CHRM3: variants seen among roughly 807,000 people sequenced by gnomAD.
CHRM3 encodes muscarinic acetylcholine receptor M3.
CHRM3 carries 11 observed loss-of-function variants against 41.8 expected under a neutral mutation model. That is an observed-to-expected ratio of 0.26 (90% CI 0.17 to 0.44). The LOEUF is 0.44. CHRM3 is among the 20% of genes least tolerant of loss of function. The pLI, the probability that CHRM3 is intolerant of heterozygous loss-of-function variation, is 1.00. For missense variants in CHRM3, 571 were observed against 745.4 expected (o/e 0.77, Z 2.72); for synonymous variants, 297 against 301.4 (o/e 0.99, Z 0.15).
intron 3 of CHRM3, among the ~76,000 whole-genome samples, chr1:239,618,906 GATTT>G (rs111618138): frequency 0.43 from 61,074 of 141,858 alleles, 13,724 homozygotes; most frequent in East Asian, 0.67. Context: ...TCTTTTTTAT[GATTT>G]ATTTATTTAT....
intron 6 of CHRM3, among the ~76,000 whole-genome samples, chr1:239,890,875 G>C (rs546726274): frequency 6.6e-6 from 1 of 152,280 alleles, no homozygotes; most frequent in South Asian, 2.1e-4. Flanking sequence ...TCTATAAAGT[G>C]TTTGATGCAT....
chr1:239,663,586 A>C (rs1673479769), intron 4 of CHRM3, among the ~76,000 whole-genome samples: 1 of 152,226 alleles, frequency 6.6e-6, no homozygotes, highest in East Asian at 1.9e-4. Context: ...TTTAAAGCAC[A>C]ATAACTAAAA....
intron 5 of CHRM3, among the ~76,000 whole-genome samples, chr1:239,761,365 C>T (rs1312977361): frequency 6.6e-6 from 1 of 152,114 alleles, no homozygotes; most frequent in Non-Finnish European, 1.5e-5. Flanking sequence ...TATGTCATGT[C>T]TGATTTGTAC....
In CHRM3 at chr1:239,771,210, C is replaced by T. The variant is rs568391484; in HGVS notation, c.-146-56042C>T. 2.0e-5 allele frequency among the ~76,000 whole-genome samples: 3 copies of T among 152,252 alleles called. No individual in the cohort carries two copies. The South Asian group carries it at 6.2e-4, about 32-fold the overall frequency. ...ACTTTTAATCTCAGAAGCATGTTAG[C>T]CGCCCTCTCCCTTCTTCATTTCATC... On this transcript the variant is annotated intron_variant, in intron 5 of 6. Coordinates refer to ENST00000676153, the MANE Select transcript of CHRM3 (RefSeq NM_001375978.1).
chr1:239,883,259 C>T (rs1677797413), intron 6 of CHRM3, among the ~76,000 whole-genome samples: 1 of 152,168 alleles, frequency 6.6e-6, no homozygotes, highest in South Asian at 2.1e-4. Flanking sequence ...CTTTAGTGTT[C>T]AGGTTAAATG....
At chr1:239,397,298 T>G (rs546209823) in intron 1 of CHRM3, among the ~76,000 whole-genome samples, 1 of 152,234 alleles carries the variant, frequency 6.6e-6, no homozygotes, top group African/African-American at 2.4e-5. Context: ...TGTGTACATA[T>G]TTATCTATCA....
chr1:239,758,390 T>A (rs1321021357), intron 5 of CHRM3, among the ~76,000 whole-genome samples: 1 of 152,182 alleles, frequency 6.6e-6, no homozygotes, highest in East Asian at 1.9e-4. Flanking sequence ...CAGTGAATGT[T>A]AGGCTACGTG....
At chr1:239,466,914 G>A (rs1321656265) in intron 1 of CHRM3, among the ~76,000 whole-genome samples, 1 of 152,182 alleles carries the variant, frequency 6.6e-6, no homozygotes, top group Non-Finnish European at 1.5e-5. Flanking sequence ...TCTACATGAT[G>A]AAGTGCAGAA....
intron 2 of CHRM3, among the ~76,000 whole-genome samples, chr1:239,502,087 C>A (rs76586433): frequency 6.6e-6 from 1 of 151,858 alleles, no homozygotes; most frequent in Admixed American, 6.6e-5. Context: ...CAGAGCAGAA[C>A]TAAATGAAAT....
chr1:239,844,543 T>G (rs749705335), intron 6 of CHRM3, among the ~76,000 whole-genome samples: 2 of 152,230 alleles, frequency 1.3e-5, no homozygotes, highest in Admixed American at 6.5e-5. Context: ...CTGGGACCAA[T>G]AGATGACATT....
intron 5 of CHRM3, among the ~76,000 whole-genome samples, chr1:239,726,676 C>T (rs2148386330): frequency 6.6e-6 from 1 of 151,932 alleles, no homozygotes; most frequent in African/African-American, 2.4e-5. Flanking sequence ...GGCAATAATT[C>T]TGTTTTCTGC....
intron 1 of CHRM3, among the ~76,000 whole-genome samples, chr1:239,440,944 T>C (rs1012591043): frequency 2.0e-5 from 3 of 151,980 alleles, no homozygotes; most frequent in Admixed American, 6.5e-5. Flanking sequence ...ACACTTTGTT[T>C]GTAAGGCAGA....
intron 4 of CHRM3, among the ~76,000 whole-genome samples, chr1:239,671,998 G>T (rs1003680238): frequency 5.9e-5 from 9 of 152,156 alleles, no homozygotes; most frequent in African/African-American, 1.9e-4. Flanking sequence ...TCTGAATCAT[G>T]CCTCCCAGCT....
intron 5 of CHRM3, among the ~76,000 whole-genome samples, chr1:239,694,422 A>G (rs1208895375): frequency 1.3e-5 from 2 of 152,198 alleles, no homozygotes; most frequent in Non-Finnish European, 2.9e-5. Context: ...CCTTGGGCAA[A>G]TGAACCCTCT....
At chr1:239,825,520 A>G (rs999311118) in intron 5 of CHRM3, among the ~76,000 whole-genome samples, 3 of 152,136 alleles carry the variant, frequency 2.0e-5, no homozygotes, top group Non-Finnish European at 2.9e-5. Context: ...TGTTATTGTC[A>G]TTCTGTGACT....
chr1:239,852,859 T>C (rs11809231), intron 6 of CHRM3, among the ~76,000 whole-genome samples: 7,070 of 152,248 alleles, frequency 0.046, 481 homozygotes, highest in African/African-American at 0.14. Flanking sequence ...TCATCTGTCA[T>C]TGTGAACATT....
intron 3 of CHRM3, among the ~76,000 whole-genome samples, chr1:239,567,270 A>G (rs1661440343): frequency 6.6e-6 from 1 of 151,554 alleles, no homozygotes; most frequent in African/African-American, 2.4e-5. Flanking sequence ...CCAGGGGTTC[A>G]AGTCCAGTCT....
intron 2 of CHRM3, among the ~76,000 whole-genome samples, chr1:239,540,188 A>G (rs1658621614): frequency 1.3e-5 from 2 of 152,226 alleles, no homozygotes; most frequent in Admixed American, 6.5e-5. Flanking sequence ...GCATAACTGT[A>G]TAAGAAATAA....
intron 6 of CHRM3, among the ~76,000 whole-genome samples, chr1:239,885,029 T>A (rs1439775733): frequency 6.6e-6 from 1 of 152,180 alleles, no homozygotes; most frequent in Non-Finnish European, 1.5e-5. Flanking sequence ...AATCTGGGAC[T>A]GCTAAGAATT....
Sources: allele counts gnomAD v4.1 joint callset (sites outside exome capture counted in the v4.1 genomes callset), GRCh38; gene constraint gnomAD v4.1.1; transcripts MANE v1.5; gene names NCBI Gene and HGNC (gene_info 2026-07-23, HGNC 2026-07-21).